The following NRXN3 variants were observed in gnomAD, a reference collection of about 807,000 sequenced individuals.
The protein encoded by NRXN3 is neurexin 3.
Under a neutral mutation model 137.6 loss-of-function variants are expected in NRXN3, and 32 were observed. The observed-to-expected ratio is 0.23, with a 90% CI of 0.18 to 0.31. The LOEUF (loss-of-function observed/expected upper bound fraction) is 0.31, where lower values mean the gene tolerates loss of function less well. Among genes scored for constraint, NRXN3 ranks in the 10% least tolerant of loss-of-function variants. The pLI is 1.00. For missense variants in NRXN3, 1,574 were observed against 2,062.5 expected (o/e 0.76, Z 4.59); for synonymous variants, 798 against 784.5 (o/e 1.02, Z -0.29).
In NRXN3 at chr14:79,758,220, G is replaced by A. The variant is rs182284218; in HGVS notation, c.4015-46892G>A. Among the ~76,000 whole-genome samples, 197 of 152,002 alleles carry A rather than the reference G, an allele frequency of 1.3e-3. No homozygotes were observed. The Middle Eastern group carries it at 0.017, about 13-fold the overall frequency. ...TTTTGGCTTCCTGTCTTTGTTTTGC[G>A]TTGCTATAAAGAAACATGTGAGACT... On this transcript the variant is annotated intron_variant, in intron 19 of 20. Transcript: ENST00000335750.
chr14:78,657,372 A>G (rs958158854), intron 6 of NRXN3, among the ~76,000 whole-genome samples: 6 of 152,228 alleles, frequency 3.9e-5, no homozygotes, highest in African/African-American at 1.2e-4. Context: ...TGATTTGGTT[A>G]TTTCCACACC....
At chr14:79,518,462 C>G (rs2097020985) in intron 16 of NRXN3, among the ~76,000 whole-genome samples, 1 of 151,950 alleles carries the variant, frequency 6.6e-6, no homozygotes, top group Admixed American at 6.5e-5. Flanking sequence ...TTTTTCTTCT[C>G]TGTACCTAAT....
At chr14:79,349,535 GAAA>G (rs546259838) in intron 15 of NRXN3, among the ~76,000 whole-genome samples, 2 of 129,386 alleles carry the variant, frequency 1.5e-5, no homozygotes, top group African/African-American at 3.0e-5. Flanking sequence ...TCCTCCCCGG[GAAA>G]AAAAAATACA....
At chr14:78,977,523 G>T (rs1480192176) in intron 14 of NRXN3, among the ~76,000 whole-genome samples, 1 of 152,008 alleles carries the variant, frequency 6.6e-6, no homozygotes, top group Non-Finnish European at 1.5e-5. Context: ...GACTTATGAG[G>T]GATTGTGTAT....
At chr14:79,609,806 A>G (rs1329489545) in intron 16 of NRXN3, among the ~76,000 whole-genome samples, 1 of 152,224 alleles carries the variant, frequency 6.6e-6, no homozygotes, top group African/African-American at 2.4e-5. Flanking sequence ...GAGTTTGTAG[A>G]GAGATTTTTT....
intron 10 of NRXN3, among the ~76,000 whole-genome samples, chr14:78,925,853 C>T (rs1406276867): frequency 6.6e-6 from 1 of 152,164 alleles, no homozygotes; most frequent in African/African-American, 2.4e-5. Context: ...GAAATATACA[C>T]TCCAGAAATC....
intron 1 of NRXN3, among the ~76,000 whole-genome samples, chr14:78,222,936 T>A (rs2064028840): frequency 6.6e-6 from 1 of 152,172 alleles, no homozygotes; most frequent in Non-Finnish European, 1.5e-5. Context: ...AGTGGGTGAG[T>A]AAATGCATGA....
At chr14:78,180,432 ATTAAG>A (rs1231964465) in intron 1 of NRXN3, among the ~76,000 whole-genome samples, 1 of 152,258 alleles carries the variant, frequency 6.6e-6, no homozygotes, top group Non-Finnish European at 1.5e-5. Flanking sequence ...CTGCCGCTGC[ATTAAG>A]TTAAGTGCTT....
chr14:78,441,210 C>G lies in NRXN3; in HGVS notation c.757+143350C>G, dbSNP rs4899711. ...GGTTGATTTCTAGCTTTCTGCTTCC[C>G]CCTGTGACATGGTGAGATGCTTTTA... On this transcript the variant is annotated intron_variant, in intron 4 of 20. Coordinates refer to ENST00000335750, the MANE Select transcript of NRXN3 (RefSeq NM_001330195.2). Among the ~76,000 whole-genome samples, 3 of 152,022 alleles carry G rather than the reference C, an allele frequency of 2.0e-5. No homozygotes were observed. In the East Asian group the frequency reaches 5.8e-4, roughly 29 times the overall value.
intron 2 of NRXN3, among the ~76,000 whole-genome samples, chr14:78,266,754 T>C (rs1337348717): frequency 6.6e-6 from 1 of 152,154 alleles, no homozygotes; most frequent in South Asian, 2.1e-4. Flanking sequence ...AAGATTCTTT[T>C]AGGTCCAGAG....
At position 78,588,793 on chromosome 14, in the gene NRXN3, T is replaced by C. The variant is rs572396675; in HGVS notation, c.758-56327T>C. 3.9e-5 allele frequency among the ~76,000 whole-genome samples: 6 copies of C among 152,336 alleles called. No individual in the cohort carries two copies. The South Asian group carries it at 1.2e-3, about 32-fold the overall frequency. On this transcript the variant is annotated intron_variant, in intron 4 of 20. Coordinates refer to ENST00000335750, the MANE Select transcript of NRXN3 (RefSeq NM_001330195.2). The stretch of plus-strand genomic sequence containing the variant: ...CTTTCTCAGTCCCTTGTCCGCCCCA[T>C]ATCCAGCTGCCTTGGCTCACAGAGT...
intron 15 of NRXN3, among the ~76,000 whole-genome samples, chr14:79,196,907 T>C (rs2065217035): frequency 6.6e-6 from 1 of 152,186 alleles, no homozygotes; most frequent in Non-Finnish European, 1.5e-5. Context: ...TGTGGGTTGC[T>C]TGAGGGTCAG....
At chr14:79,859,488 A>G (rs1259389912) in intron 20 of NRXN3, among the ~76,000 whole-genome samples, 1 of 152,206 alleles carries the variant, frequency 6.6e-6, no homozygotes, top group Non-Finnish European at 1.5e-5. Flanking sequence ...AGCATTTCCT[A>G]TGCATTCAAA....
At chr14:79,019,267 C>T (rs922470530) in intron 15 of NRXN3, among the ~76,000 whole-genome samples, 8 of 152,170 alleles carry the variant, frequency 5.3e-5, no homozygotes, top group Non-Finnish European at 1.2e-4. Context: ...CCTATTCCAA[C>T]ACCTGGTGCT....
chr14:79,561,386 G>A (rs2097495076), intron 16 of NRXN3, among the ~76,000 whole-genome samples: 1 of 152,158 alleles, frequency 6.6e-6, no homozygotes. Context: ...GTGAACAAAT[G>A]TAGCAAGAAG....
chr14:78,448,874 T>C (rs943834023), intron 4 of NRXN3, among the ~76,000 whole-genome samples: 4 of 152,110 alleles, frequency 2.6e-5, no homozygotes, highest in Non-Finnish European at 4.4e-5. Flanking sequence ...GTGCCTTCCA[T>C]TGGGCTTCCA....
At chr14:78,193,761 C>CAAAAAAA (rs375804646) in intron 1 of NRXN3, among the ~76,000 whole-genome samples, 4 of 109,068 alleles carry the variant, frequency 3.7e-5, no homozygotes, top group Admixed American at 2.0e-4. Flanking sequence ...AACTCTGTCT[C>CAAAAAAA]AAAAAAAAAA....
chr14:79,733,726 GA>G (rs2098932386), intron 19 of NRXN3, among the ~76,000 whole-genome samples: 1 of 149,592 alleles, frequency 6.7e-6, no homozygotes, highest in South Asian at 2.1e-4. Context: ...AATAATCACA[GA>G]AAAAAGAAAA....
intron 15 of NRXN3, among the ~76,000 whole-genome samples, chr14:79,344,212 C>T (rs2092756549): frequency 1.3e-5 from 2 of 152,226 alleles, no homozygotes; most frequent in African/African-American, 2.4e-5. Flanking sequence ...GGTTGTGCTA[C>T]TGGTCTGCCA....
Sources: gnomAD v4.1 joint callset for allele counts (sites outside exome capture counted in the v4.1 genomes callset) on GRCh38, gnomAD v4.1.1 for gene constraint, MANE v1.5 for transcripts, NCBI Gene and HGNC (gene_info 2026-07-23, HGNC 2026-07-21) for gene names.